The following BTD variants were observed in gnomAD, a reference collection of about 807,000 sequenced individuals.
The protein encoded by BTD is biotinidase, also known as biocytinase.
BTD carries 13 observed loss-of-function variants against 17.7 expected under a neutral mutation model. That is an observed-to-expected ratio of 0.74 (90% CI 0.48 to 1.17). The LOEUF is 1.17. Among genes scored for constraint, BTD ranks in the 50% most tolerant of loss-of-function variants. The probability of loss-of-function intolerance (pLI) is 0.00; values close to 1 mark genes in which losing one functional copy is unlikely to be tolerated. For synonymous variants in BTD, 240 were observed against 245.2 expected (o/e 0.98, Z 0.20); for missense variants, 674 against 650.4 (o/e 1.04, Z -0.39).
intron 3 of BTD, among the ~76,000 whole-genome samples, chr3:15,682,586 A>G (rs2067660751): frequency 1.3e-5 from 2 of 152,244 alleles, no homozygotes; most frequent in Admixed American, 1.3e-4. Flanking sequence ...TTGAATGACT[A>G]TATAAACTGA....
At chr3:15,604,666 C>A (rs887384698) in intron 1 of BTD, among the ~76,000 whole-genome samples, 1 of 152,202 alleles carries the variant, frequency 6.6e-6, no homozygotes, top group Non-Finnish European at 1.5e-5. Context: ...AATTTGTATG[C>A]TCTGCTTCCT....
chr3:15,629,921 AAAT>A, intron 1 of BTD: 11 of 460,260 alleles, frequency 2.4e-5, no homozygotes, highest in Non-Finnish European at 3.1e-5. Flanking sequence ...GAAGATAAAA[AAAT>A]AATAATAATG....
rs192976328 is a variant in BTD, at chr3:15,660,115, G to A, written c.399+18058G>A. ...TTAATTCCTACCACAACCCCATGAG[G>A]GAGGTACTATGGTCCTCATTTCACA... On this transcript the variant is annotated intron_variant, in intron 3 of 3. Transcript: ENST00000672141. 4.3e-3 allele frequency among the ~76,000 whole-genome samples: 654 copies of A among 152,326 alleles called. 3 individuals carry two copies. The highest frequency in any genetic ancestry group is 0.011 in the South Asian group (51 of 4,824).
At chr3:15,637,569 C>T (rs182511640) in intron 2 of BTD, among the ~76,000 whole-genome samples, 1 of 152,276 alleles carries the variant, frequency 6.6e-6, no homozygotes, top group Admixed American at 6.5e-5. Flanking sequence ...GTTACCTTTA[C>T]GTCATTCACA....
At chr3:15,714,596 G>A, downstream of BTD, 1 of 1,573,546 alleles carries the variant, frequency 6.4e-7, no homozygotes, top group South Asian at 1.2e-5. Flanking sequence ...ATAATGGTTT[G>A]TGATCGGGAG....
chr3:15,713,785 T>C (rs2072640126), downstream of BTD: 9 of 478,136 alleles, frequency 1.9e-5, no homozygotes, highest in East Asian at 1.0e-4. Context: ...AGCTCATTTA[T>C]TGGGCCAGGC....
chr3:15,696,313 C>A lies in BTD; in HGVS notation c.400-13747C>A. 4.8e-6 allele frequency: 5 copies of A among 1,044,618 alleles called. No individual in the cohort carries two copies. In the South Asian group the frequency reaches 8.0e-5, roughly 17 times the overall value. 64.7% of individuals were successfully genotyped at this position (1,044,618 alleles called of 1,614,324 possible). On this transcript the variant is annotated intron_variant, in intron 3 of 3. Coordinates refer to the BTD transcript ENST00000672141. ...CATATTAACCAATGATAAAAAGAGA[C>A]TGAAATTAAAAACTGACAATTTTTC...
rs2072041041 is a variant in BTD, at chr3:15,710,127, T to C, written c.*53T>C. Among the ~76,000 whole-genome samples the C allele has an allele frequency of 2.0e-5, 3 of 151,882 alleles. No individual in the cohort carries two copies. In the South Asian group the frequency reaches 6.2e-4, roughly 31 times the overall value. The stretch of plus-strand genomic sequence containing the variant: ...ATAGCTAACGGCAGCCTCCAACTCC[T>C]GGATATAAGCGATCCTCCAAGTCTC... On this transcript the variant is annotated 3_prime_UTR_variant, in exon 4 of 4. Coordinates refer to the BTD transcript ENST00000672141.
rs140769832 is a variant in BTD at position 15,644,561 on chromosome 3, C to G, written c.645C>G (p.Pro215=). The change falls in exon 4 of 4, where the codon CCC becomes CCG. Residue 215 remains proline, a synonymous_variant. Transcript: ENST00000643237. ...LKVDLITFDT[P]FAGRFGIFTC... ...TGGATCTCATCACCTTTGATACCCC[C>G]TTTGCTGGCAGGTTTGGCATCTTCA... 3 of 1,614,072 alleles carry G rather than the reference C, an allele frequency of 1.9e-6. No homozygotes were observed. Among genetic ancestry groups the G allele is most frequent in the African/African-American group, 2.7e-5 (2 of 74,918 alleles).
At chr3:15,709,495 CTG>C (rs898839135) in intron 3 of BTD, among the ~76,000 whole-genome samples, 18 of 152,098 alleles carry the variant, frequency 1.2e-4, no homozygotes, top group African/African-American at 3.9e-4. Flanking sequence ...AAGAAGAAAA[CTG>C]TGGGTGAGAA....
chr3:15,618,214 G>A (rs146951632), intron 1 of BTD, among the ~76,000 whole-genome samples: 2 of 152,320 alleles, frequency 1.3e-5, no homozygotes, highest in East Asian at 3.9e-4. Context: ...TGATCCTCCT[G>A]CCTTGGCCTC....
intron 1 of BTD, among the ~76,000 whole-genome samples, chr3:15,605,041 A>G (rs538973363): frequency 7.9e-5 from 12 of 152,340 alleles, no homozygotes; most frequent in Non-Finnish European, 1.8e-4. Flanking sequence ...AACTTCTGCC[A>G]GTTACCCAGT....
At chr3:15,617,718 A>G (rs1294508326) in intron 1 of BTD, among the ~76,000 whole-genome samples, 2 of 152,222 alleles carry the variant, frequency 1.3e-5, no homozygotes, top group Non-Finnish European at 2.9e-5. Context: ...GCGAGACCTC[A>G]TTTGTAAAAT....
chr3:15,620,452 T>C (rs1006755903), intron 1 of BTD, among the ~76,000 whole-genome samples: 1 of 152,234 alleles, frequency 6.6e-6, no homozygotes, highest in Admixed American at 6.5e-5. Flanking sequence ...ATGTGGCTCT[T>C]TTAGCCCAAC....
intron 3 of BTD, among the ~76,000 whole-genome samples, chr3:15,698,725 T>C (rs2070066487): frequency 6.6e-6 from 1 of 152,042 alleles, no homozygotes; most frequent in South Asian, 2.1e-4. Flanking sequence ...AAACCACTGC[T>C]CAATGAAATA....
intron 1 of BTD, among the ~76,000 whole-genome samples, chr3:15,614,041 A>G (rs1406980750): frequency 6.6e-6 from 1 of 150,668 alleles, no homozygotes; most frequent in African/African-American, 2.4e-5. Context: ...GTATTTTATT[A>G]TTAAAATTCT....
rs397514402 is a variant in BTD, at chr3:15,645,190, G to T, written c.1274G>T (p.Gly425Val). Residue 425 changes from glycine to valine, a missense_variant, in exon 4 of 4, where the codon GGG (glycine) becomes GTG (valine). Coordinates refer to ENST00000643237, the MANE Select transcript of BTD (RefSeq NM_001370658.1). ...CTGTATGCCCTGGGGGTCTTTGATG[G>T]GCTTCACACAGTACATGGCACTTAC... ...KELYALGVFD[G>V]LHTVHGTYYI... 5 of 1,614,048 alleles carry T rather than the reference G, an allele frequency of 3.1e-6. No homozygotes were observed. Among genetic ancestry groups the T allele is most frequent in the Non-Finnish European group, 4.2e-6 (5 of 1,180,032 alleles).
intron 1 of BTD, among the ~76,000 whole-genome samples, chr3:15,625,148 T>G (rs2065036189): frequency 6.6e-6 from 1 of 152,186 alleles, no homozygotes; most frequent in South Asian, 2.1e-4. Flanking sequence ...AAAAAGGCAT[T>G]TAATTGAAAT....
intron 1 of BTD, among the ~76,000 whole-genome samples, chr3:15,617,894 C>A (rs901147786): frequency 1.3e-5 from 2 of 151,984 alleles, no homozygotes; most frequent in African/African-American, 4.8e-5. Flanking sequence ...AGTTTTCTGA[C>A]TTCATTCTTC....
Sources: gnomAD v4.1 joint callset for allele counts (sites outside exome capture counted in the v4.1 genomes callset) on GRCh38, gnomAD v4.1.1 for gene constraint, MANE v1.5 for transcripts, NCBI Gene and HGNC (gene_info 2026-07-23, HGNC 2026-07-21) for gene names.